GSDMB: variants seen among roughly 807,000 people sequenced by gnomAD.
The protein encoded by GSDMB is gasdermin B.
A neutral mutation model predicts 42.9 loss-of-function variants in GSDMB; 32 were observed. The observed-to-expected ratio is 0.75, with a 90% confidence interval of 0.56 to 1.00. The LOEUF (loss-of-function observed/expected upper bound fraction) is 1.00, where lower values mean the gene tolerates loss of function less well. Among genes scored for constraint, GSDMB ranks in the 50% least tolerant of loss-of-function variants. GSDMB has a pLI of 0.00. For missense variants in GSDMB, 468 were observed against 498.5 expected, an observed-to-expected ratio of 0.94 and a Z score of 0.58; for synonymous variants, 175 against 193.7, an observed-to-expected ratio of 0.90 and a Z score of 0.80.
At chr17:39,909,709 G>A (rs1356784345) in intron 4 of GSDMB, 47 bp downstream of exon 4, 14 of 1,540,782 alleles carry the variant, frequency 9.1e-6, no homozygotes, top group Non-Finnish European at 1.2e-5. Context: ...CCTGCGGGGT[G>A]TGGGCCAACA....
At chr17:39,908,894 C>T in intron 5 of GSDMB, 64 bp downstream of exon 5, 2 of 1,045,550 alleles carry the variant, frequency 1.9e-6, no homozygotes, top group Non-Finnish European at 2.9e-6. Context: ...TGGTTGAATC[C>T]CACCCCCCAC....
At chr17:39,909,680 A>T in intron 4 of GSDMB, 76 bp downstream of exon 4, 1 of 1,318,726 alleles carries the variant, frequency 7.6e-7, no homozygotes, top group Non-Finnish European at 1.1e-6. Context: ...GGAAGAGTCT[A>T]AGGCTGGCAT....
At position 39,917,078 on chromosome 17, in the gene GSDMB, T is replaced by G. The variant is rs760886307; in HGVS notation, c.235+4A>C. The G allele has an allele frequency of 1.8e-5, 29 of 1,605,588 alleles. No homozygotes were observed. The highest frequency in any genetic ancestry group is 4.3e-6 in the Non-Finnish European group (5 of 1,172,364). On this transcript the variant is annotated splice_donor_region_variant and intron_variant, in intron 2 of 10. Transcript: ENST00000418519. ...TGGCCACCTGTCATCTACCTTATAC[T>G]GACCTTGGAGCCCAGAATCCAGTTC...
chr17:39,909,722 G>A, intron 4 of GSDMB, 34 bp downstream of exon 4: 1 of 1,592,808 alleles, frequency 6.3e-7, no homozygotes, highest in Non-Finnish European at 8.6e-7. Flanking sequence ...GGCCAACACT[G>A]GCCTCCACAG....
rs776895131 is a variant in GSDMB, at chr17:39,917,197, C to T, written c.120G>A (p.Val40=). The change falls in exon 2 of 11, where the codon GTG becomes GTA. Residue 40 remains valine (V), a synonymous_variant. Coordinates refer to ENST00000418519, the MANE Select transcript of GSDMB (RefSeq NM_001165958.2). ...ATCCAAAGAAAGTTCTCTTCTCCCC[C>T]ACCAGATGGAAGCAGCGGAATCTAT... ...DADRFRCFHL[V]GEKRTFFGCR... 6.8e-6 allele frequency: 11 copies of T among 1,614,054 alleles called. No homozygotes were observed. The highest frequency in any genetic ancestry group is 9.3e-6 in the Non-Finnish European group (11 of 1,179,916).
chr17:39,909,111 A>C, intron 4 of GSDMB, 69 bp from the exon 5 acceptor site: 1 of 897,872 alleles, frequency 1.1e-6, no homozygotes, highest in South Asian at 1.6e-5. Flanking sequence ...TGATCTCCCA[A>C]ACAATCCTGT....
intron 2 of GSDMB, among the ~76,000 whole-genome samples, chr17:39,914,119 AAAC>A (rs2063663690): frequency 6.6e-6 from 1 of 152,238 alleles, no homozygotes; most frequent in African/African-American, 2.4e-5. Context: ...GAAACCTGAC[AAAC>A]ATTACCTCAG....
intron 5 of GSDMB, 86 bp from the exon 6 acceptor site, chr17:39,908,300 T>C: frequency 3.8e-6 from 2 of 528,360 alleles, no homozygotes; most frequent in East Asian, 4.1e-5. Context: ...CCAGTCCCTC[T>C]CAATCCCTAT....
At chr17:39,914,237 C>T (rs554070041) in intron 2 of GSDMB, among the ~76,000 whole-genome samples, 3 of 152,168 alleles carry the variant, frequency 2.0e-5, no homozygotes, top group South Asian at 2.1e-4. Flanking sequence ...TCTTCCTCCC[C>T]GAGACCCAGA....
chr17:39,913,500 C>T (rs1301429233), intron 2 of GSDMB, among the ~76,000 whole-genome samples: 1 of 152,132 alleles, frequency 6.6e-6, no homozygotes, highest in Admixed American at 6.6e-5. Flanking sequence ...GTAATTCCAG[C>T]TACTTGGGAG....
At chr17:39,912,220 TA>T in intron 3 of GSDMB, 105 bp downstream of exon 3, 2 of 771,950 alleles carry the variant, frequency 2.6e-6, no homozygotes, top group Non-Finnish European at 4.2e-6. Flanking sequence ...AAAAGAAAAA[TA>T]AAAATAAATA....
Position 39,912,400 on chromosome 17 carries a change from C to A in GSDMB, c.333G>T (p.Gln111His). The part of the protein sequence containing the change: ...PKEITISGSF[Q>H]GFHHQKIKIS... ...TCTTGATTTTCTGATGGTGGAAGCCCTGGAAACTGCCTGAAATTGTTATTT... is the reference window on the plus strand; with the variant it reads ...TCTTGATTTTCTGATGGTGGAAGCCATGGAAACTGCCTGAAATTGTTATTT... The change falls in exon 3 of 11, where the codon CAG becomes CAT. Residue 111 changes from glutamine to histidine, a missense_variant. Transcript: ENST00000418519. 1 of 1,613,542 alleles carries A rather than the reference C, an allele frequency of 6.2e-7. No individual in the cohort carries two copies. The highest frequency in any genetic ancestry group is 8.5e-7 in the Non-Finnish European group (1 of 1,179,538).
chr17:39,904,952 T>A lies in GSDMB; in HGVS notation c.1111A>T (p.Met371Leu), dbSNP rs1348057930. Reference protein sequence around the residue: ...PLLKDQVKSVMEQNWDELASS... With the variant: ...PLLKDQVKSVLEQNWDELASS... ...GCCAGCTCATCCCAGTTCTGCTCCA[T>A]GACAGATTTCACCTGGAAGGAAACC... The change falls in exon 11 of 11, where the codon ATG (methionine) becomes TTG (leucine). Residue 371 changes from methionine to leucine, a missense_variant. Met to Leu is a conservative substitution (Grantham distance 15). Transcript: ENST00000418519. 6.2e-7 allele frequency: 1 copy of A among 1,613,494 alleles called. No homozygotes were observed. The highest frequency in any genetic ancestry group is 1.7e-5 in the Admixed American group (1 of 59,886).
Position 39,905,509 on chromosome 17 carries a change from A to G in GSDMB, c.1028-13T>C, listed in dbSNP as rs1193385248. 7 of 1,600,324 alleles carry G rather than the reference A, an allele frequency of 4.4e-6. No homozygotes were observed. The highest frequency in any genetic ancestry group is 5.1e-6 in the Non-Finnish European group (6 of 1,170,784). ...TCTTCAGACAGCTCTGGGGGCAAAG[A>G]AAGAGTGGTAAAAAGGAGAGATATA... On this transcript the variant is annotated splice_polypyrimidine_tract_variant and intron_variant, in intron 9 of 10. Coordinates refer to ENST00000418519, the MANE Select transcript of GSDMB (RefSeq NM_001165958.2).
In GSDMB at chr17:39,904,908, C is replaced by T. The variant is rs751205562; in HGVS notation, c.1155G>A (p.Met385Ile). 2 of 1,613,606 alleles carry T rather than the reference C, an allele frequency of 1.2e-6. No individual in the cohort carries two copies. The highest frequency in any genetic ancestry group is 4.5e-5 in the East Asian group (2 of 44,882). Residue 385 changes from methionine (M) to isoleucine (I), a missense_variant, in exon 11 of 11, where the codon ATG (methionine) becomes ATA (isoleucine). Coordinates refer to ENST00000418519, the MANE Select transcript of GSDMB (RefSeq NM_001165958.2). ...WDELASSPPD[M>I]DYDPEARILC... is the part of the protein sequence containing the mutation. The stretch of plus-strand genomic sequence containing the variant: ...GAATTCGTGCCTCAGGGTCATAGTC[C>T]ATGTCAGGAGGACTGCTGGCCAGCT...
At chr17:39,908,914 G>A in intron 5 of GSDMB, 44 bp downstream of exon 5, 1 of 1,208,348 alleles carries the variant, frequency 8.3e-7, no homozygotes, top group Non-Finnish European at 1.2e-6. Flanking sequence ...CCTCACTGGT[G>A]TGTTTAGGGC....
intron 7 of GSDMB, 41 bp from the exon 8 acceptor site, chr17:39,906,312 A>G (rs759734299): frequency 6.2e-7 from 1 of 1,601,282 alleles, no homozygotes; most frequent in Non-Finnish European, 8.5e-7. Flanking sequence ...ACCCAGCCCA[A>G]AAGGTTTTAT....
Position 39,912,322 on chromosome 17 carries a change from T to C in GSDMB, c.407+4A>G. 1 of 1,612,356 alleles carries C rather than the reference T, an allele frequency of 6.2e-7. No individual in the cohort carries two copies. The highest frequency in any genetic ancestry group is 8.5e-7 in the Non-Finnish European group (1 of 1,178,806). ...CCTTCCCTGCTGCCCAACTCCAACC[T>C]CACCTGTTTTCAAGGGTAGCCAGAT... On this transcript the variant is annotated splice_donor_region_variant and intron_variant, in intron 3 of 10. Transcript: ENST00000418519.
intron 3 of GSDMB, among the ~76,000 whole-genome samples, chr17:39,911,961 CA>C (rs1005542641): frequency 5.6e-4 from 82 of 146,262 alleles, no homozygotes; most frequent in African/African-American, 1.7e-3. Flanking sequence ...AAAAACCAAA[CA>C]AAAAAAAAAC....
Sources: allele counts gnomAD v4.1 joint callset (sites outside exome capture counted in the v4.1 genomes callset), GRCh38; gene constraint gnomAD v4.1.1; transcripts MANE v1.5; gene names NCBI Gene and HGNC (gene_info 2026-07-23, HGNC 2026-07-21).